INTS1: variants seen among roughly 807,000 people sequenced by gnomAD.
INTS1 encodes the protein integrator complex subunit 1.
Under a neutral mutation model 241.6 loss-of-function variants are expected in INTS1, and 137 were observed. The observed-to-expected ratio is 0.57, with a 90% CI of 0.49 to 0.65. The LOEUF is 0.65. INTS1 is among the 30% of genes least tolerant of loss of function. The pLI is 0.00. For synonymous variants in INTS1, 1,692 were observed against 1,337.8 expected (o/e 1.26, Z -5.78); for missense variants, 3,073 against 3,032.2 (o/e 1.01, Z -0.32).
chr7:1,485,213 G>A lies in INTS1; in HGVS notation c.3157-11C>T, dbSNP rs755150788. ...CTCCATGTGGATTGCCTGGAGGGGA[G>A]GGTGGTCTGAGCGGCAACAGGGCAG... On this transcript the variant is annotated splice_polypyrimidine_tract_variant and intron_variant, in intron 23 of 47. Coordinates refer to ENST00000404767, the MANE Select transcript of INTS1 (RefSeq NM_001080453.3). 2 of 1,599,710 alleles carry A rather than the reference G, an allele frequency of 1.3e-6. No individual in the cohort carries two copies. Among genetic ancestry groups the A allele is most frequent in the East Asian group, 2.2e-5 (1 of 44,862 alleles).
chr7:1,476,274 T>C lies in INTS1; in HGVS notation c.5333A>G (p.Lys1778Arg). The stretch of plus-strand genomic sequence containing the variant: ...GCAGCCTGACAGGTGCTCCGTCACC[T>C]TCCTGACACTCTCATCGTCCCCACA... ...CCCGDDESVR[K>R]VTEHLSGCIQ... Residue 1778 changes from lysine (K) to arginine (R), a missense_variant, in exon 38 of 48, where the codon AAG becomes AGG. Transcript: ENST00000404767. 1 of 1,580,254 alleles carries C rather than the reference T, an allele frequency of 6.3e-7. No homozygotes were observed. The highest frequency in any genetic ancestry group is 1.2e-5 in the South Asian group (1 of 86,108).
intron 9 of INTS1, 70 bp downstream of exon 9, chr7:1,498,636 CG>C: frequency 2.0e-6 from 3 of 1,530,498 alleles, no homozygotes; most frequent in Non-Finnish European, 2.6e-6. Flanking sequence ...CCCGCACCCC[CG>C]CTCCGCCCAC....
rs750043714 is a variant in INTS1 at position 1,487,439 on chromosome 7, G to A, written c.2527C>T (p.Arg843Trp). The change falls in exon 20 of 48, where the codon CGG becomes TGG. Residue 843 changes from arginine (R) to tryptophan (W), a missense_variant. Coordinates refer to ENST00000404767, the MANE Select transcript of INTS1 (RefSeq NM_001080453.3). Reference protein sequence around the residue: ...LTSLDPQGPPRRPPPHILDQV... With the variant: ...LTSLDPQGPPWRPPPHILDQV... ...TCCAGGATGTGAGGGGGAGGCCTCC[G>A]GGGGGGCCCCCTGAGGGCCACAGGG... 6.8e-6 allele frequency: 11 copies of A among 1,607,858 alleles called. No homozygotes were observed. Among genetic ancestry groups the A allele is most frequent in the Non-Finnish European group, 7.6e-6 (9 of 1,177,052 alleles).
chr7:1,471,751 G>C (rs961603543), intron 44 of INTS1, 110 bp from the exon 45 acceptor site: 2 of 983,208 alleles, frequency 2.0e-6, no homozygotes, highest in African/African-American at 3.3e-5. Context: ...AGGACAGAAA[G>C]CACTGGAAAG....
chr7:1,480,942 C>T lies in INTS1; in HGVS notation c.3851-9G>A, dbSNP rs1423135331. On this transcript the variant is annotated splice_polypyrimidine_tract_variant and intron_variant, in intron 28 of 47. Coordinates refer to ENST00000404767, the MANE Select transcript of INTS1 (RefSeq NM_001080453.3). ...CAGGTGGGCCATGTAATCTGCAAAC[C>T]GTAGCAGGGTCACACCTGGGCGCGG... is the stretch of plus-strand genomic sequence containing the variant. 1.9e-6 allele frequency: 3 copies of T among 1,577,704 alleles called. No homozygotes were observed. The highest frequency in any genetic ancestry group is 2.6e-6 in the Non-Finnish European group (3 of 1,161,936).
At position 1,470,508 on chromosome 7, in the gene INTS1, G is replaced by A. The variant is rs1175612582; in HGVS notation, c.*69C>T. 8 of 1,258,320 alleles carry A rather than the reference G, an allele frequency of 6.4e-6. No homozygotes were observed. The African/African-American group carries it at 9.0e-5, about 14-fold the overall frequency. 77.9% of individuals were successfully genotyped at this position (1,258,320 alleles called of 1,614,324 possible). ...CAGACCAGCAACGCCCACGCTTCCTGGGCTTTGCCTCGAGGATCCCCGGGG... is the reference window on the plus strand; with the variant it reads ...CAGACCAGCAACGCCCACGCTTCCTAGGCTTTGCCTCGAGGATCCCCGGGG... On this transcript the variant is annotated 3_prime_UTR_variant, in exon 48 of 48. Transcript: ENST00000404767.
At chr7:1,473,321 G>T in intron 42 of INTS1, 137 bp from the exon 43 acceptor site, 1 of 706,272 alleles carries the variant, frequency 1.4e-6, no homozygotes, top group South Asian at 1.8e-5. Context: ...AGGGAGGGCC[G>T]GGCGGGGAAG....
At chr7:1,487,280 C>T (rs2128539106) in intron 20 of INTS1, 40 bp downstream of exon 20, 3 of 1,559,780 alleles carry the variant, frequency 1.9e-6, no homozygotes, top group Non-Finnish European at 2.6e-6. Context: ...CCGGGCCTCC[C>T]AAGACCACCA....
chr7:1,498,947 C>T (rs771032914), intron 8 of INTS1, 28 bp downstream of exon 8: 212 of 1,339,594 alleles, frequency 1.6e-4, no homozygotes, highest in Non-Finnish European at 2.1e-4. Flanking sequence ...CCCCCTGCCC[C>T]GCCCACCCCC....
chr7:1,492,124 C>G (rs1782583911), intron 16 of INTS1, among the ~76,000 whole-genome samples: 1 of 152,282 alleles, frequency 6.6e-6, no homozygotes, highest in South Asian at 2.1e-4. Flanking sequence ...CAACCCCACT[C>G]CTAGCCACCT....
At position 1,471,151 on chromosome 7, in the gene INTS1, G is replaced by T; in HGVS notation, c.6329C>A (p.Ser2110Tyr). 1 of 1,575,564 alleles carries T rather than the reference G, an allele frequency of 6.3e-7. No individual in the cohort carries two copies. The highest frequency in any genetic ancestry group is 1.2e-5 in the South Asian group (1 of 85,810). ...RNLAFSLALR[S>Y]MQNSPSIAAA... is the part of the protein sequence containing the mutation. ...GCCTCACCTGGGGCTGTTCTGCATGGAGCGCAGGGCCAGGCTGAAGGCGAG... is the reference window on the plus strand; with the variant it reads ...GCCTCACCTGGGGCTGTTCTGCATGTAGCGCAGGGCCAGGCTGAAGGCGAG... The change falls in exon 46 of 48, where the codon TCC (serine) becomes TAC (tyrosine). Residue 2110 changes from serine to tyrosine, a missense_variant. By Grantham distance (144) the Ser-to-Tyr change is moderately radical. Transcript: ENST00000404767.
chr7:1,497,360 C>A lies in INTS1; in HGVS notation c.1426-46G>T. 1.3e-6 allele frequency: 2 copies of A among 1,571,072 alleles called. No individual in the cohort carries two copies. Among genetic ancestry groups the A allele is most frequent in the South Asian group, 1.2e-5 (1 of 84,810 alleles). Reference sequence around the variant, plus strand: ...GTGGGAGGCTGCCCGACAGTGCTGTCCCTGTCACAGGCCCCTTCCCGCAGC... The same window carrying A: ...GTGGGAGGCTGCCCGACAGTGCTGTACCTGTCACAGGCCCCTTCCCGCAGC... On this transcript the variant is annotated intron_variant, in intron 10 of 47. Coordinates refer to ENST00000404767, the MANE Select transcript of INTS1 (RefSeq NM_001080453.3). This position sits in a 1 kb window ranked among gnomAD's most constrained non-coding sequence, Gnocchi z 5.3.
At chr7:1,487,165 C>A in intron 20 of INTS1, 64 bp from the exon 21 acceptor site, 1 of 1,521,856 alleles carries the variant, frequency 6.6e-7, no homozygotes, top group African/African-American at 1.4e-5. Flanking sequence ...GCCAGCCCCC[C>A]GGGTGACCGC....
intron 5 of INTS1, 87 bp downstream of exon 5, chr7:1,499,797 G>A: frequency 2.0e-6 from 3 of 1,507,240 alleles, no homozygotes; most frequent in Non-Finnish European, 2.7e-6. Flanking sequence ...ACAGCCCTCT[G>A]GAGAGAACAC....
Position 1,480,858 on chromosome 7 carries a change from G to C in INTS1, c.3926C>G (p.Thr1309Arg), listed in dbSNP as rs748521945. The C allele has an allele frequency of 6.4e-7, 1 of 1,554,196 alleles. No individual in the cohort carries two copies. Among genetic ancestry groups the C allele is most frequent in the South Asian group, 1.2e-5 (1 of 84,342 alleles). ...SGGQTFHSLL[T>R]ASLPPRRDST... ...ACCTCGGCGGGGCGGCAGGGAGGCTGTGAGCAAGGAGTGGAAAGTCTGGCC... is the reference window on the plus strand; with the variant it reads ...ACCTCGGCGGGGCGGCAGGGAGGCTCTGAGCAAGGAGTGGAAAGTCTGGCC... Residue 1309 changes from threonine to arginine, a missense_variant, in exon 29 of 48, where the codon ACA becomes AGA. Transcript: ENST00000404767.
chr7:1,485,645 T>C (rs1186399057), intron 22 of INTS1, 176 bp from the exon 23 acceptor site: 1 of 661,914 alleles, frequency 1.5e-6, no homozygotes, highest in East Asian at 2.8e-5. Flanking sequence ...TTCTGTTAAA[T>C]GCTTCTGTTC....
chr7:1,479,530 G>T lies in INTS1; in HGVS notation c.4229C>A (p.Ala1410Asp). Reference protein sequence around the residue: ...GITVRVLQALATLLSSPHGGA... With the variant: ...GITVRVLQALDTLLSSPHGGA... ...GCCGTGTGGGGAGCTGAGCAGGGTG[G>T]CGAGGGCCTGCAGGACACGCACCGT... The change falls in exon 31 of 48, where the codon GCC becomes GAC. Residue 1410 changes from alanine (A) to aspartate (D), a missense_variant. Coordinates refer to ENST00000404767, the MANE Select transcript of INTS1 (RefSeq NM_001080453.3). 6.4e-7 allele frequency: 1 copy of T among 1,563,104 alleles called. No homozygotes were observed. Among genetic ancestry groups the T allele is most frequent in the South Asian group, 1.2e-5 (1 of 84,858 alleles).
At chr7:1,494,204 CCA>C (rs1208592563) in intron 14 of INTS1, among the ~76,000 whole-genome samples, 2 of 152,218 alleles carry the variant, frequency 1.3e-5, no homozygotes, top group South Asian at 2.1e-4. Context: ...CTCTGCCACC[CCA>C]CAGAGGCCTC....
At position 1,479,645 on chromosome 7, in the gene INTS1, T is replaced by G; in HGVS notation, c.4114A>C (p.Ser1372Arg). The G allele has an allele frequency of 1.3e-6, 2 of 1,501,270 alleles. No individual in the cohort carries two copies. Among genetic ancestry groups the G allele is most frequent in the Non-Finnish European group, 1.8e-6 (2 of 1,122,072 alleles). 93.0% of individuals were successfully genotyped at this position (1,501,270 alleles called of 1,614,324 possible). ...AGGGCGAGGGCCACGGGGCGGGGAC[T>G]GGAGCTCTGCCACCGAGGGTCCGGG... ...LSPDPRWQSS[S>R]PRPVALALQQ... Residue 1372 changes from serine to arginine, a missense_variant, in exon 31 of 48, where the codon AGT becomes CGT. By Grantham distance (110) the Ser-to-Arg change is moderately radical. Transcript: ENST00000404767.
Sources: allele counts gnomAD v4.1 joint callset (sites outside exome capture counted in the v4.1 genomes callset), GRCh38; gene constraint gnomAD v4.1.1; non-coding constraint Gnocchi (gnomAD v3.1); transcripts MANE v1.5; gene names NCBI Gene and HGNC (gene_info 2026-07-23, HGNC 2026-07-21).